The following GPCPD1 variants were observed in gnomAD, a reference collection of about 807,000 sequenced individuals.
The protein encoded by GPCPD1 is glycerophosphocholine phosphodiesterase 1, also known as glycerophosphocholine phosphodiesterase GPCPD1.
Under a neutral mutation model 89.2 loss-of-function variants are expected in GPCPD1, and 29 were observed. The observed-to-expected ratio is 0.33, with a 90% CI of 0.24 to 0.44. The LOEUF is 0.44. GPCPD1 is among the 20% of genes least tolerant of loss of function. The probability of loss-of-function intolerance (pLI) is 1.00; values close to 1 mark genes in which losing one functional copy is unlikely to be tolerated. For synonymous variants in GPCPD1, 258 were observed against 266.3 expected, an observed-to-expected ratio of 0.97 and a Z score of 0.30; for missense variants, 594 against 808.9, an observed-to-expected ratio of 0.73 and a Z score of 3.22.
intron 7 of GPCPD1, among the ~76,000 whole-genome samples, chr20:5,579,194 A>AAT (rs975264058): frequency 4.6e-5 from 7 of 152,000 alleles, no homozygotes; most frequent in Non-Finnish European, 8.8e-5. Flanking sequence ...CAAAAGAAAA[A>AAT]ATATATATAT....
intron 2 of GPCPD1, among the ~76,000 whole-genome samples, chr20:5,602,340 C>G (rs554988106): frequency 5.9e-5 from 9 of 152,220 alleles, no homozygotes; most frequent in Non-Finnish European, 1.0e-4. Flanking sequence ...GCTTCAACTG[C>G]CTGCCTACAA....
intron 9 of GPCPD1, 61 bp from the exon 10 acceptor site, chr20:5,575,606 C>A: frequency 8.7e-7 from 1 of 1,150,018 alleles, no homozygotes; most frequent in South Asian, 1.4e-5. Context: ...CCATTATGAG[C>A]TACATTATAT....
intron 8 of GPCPD1, among the ~76,000 whole-genome samples, 168 bp from the exon 9 acceptor site, chr20:5,576,146 G>A (rs1313556831): frequency 2.0e-5 from 3 of 151,272 alleles, no homozygotes; most frequent in African/African-American, 7.3e-5. Flanking sequence ...TTCGGCCGGG[G>A]TCAGTGGCTC....
At chr20:5,603,446 TA>T (rs1284437659) in intron 2 of GPCPD1, among the ~76,000 whole-genome samples, 1 of 149,818 alleles carries the variant, frequency 6.7e-6, no homozygotes, top group African/African-American at 2.5e-5. Flanking sequence ...ACAGGGGGAG[TA>T]TGAGAGTGGG....
At chr20:5,602,986 TAA>T (rs57455474) in intron 2 of GPCPD1, among the ~76,000 whole-genome samples, 14,265 of 121,228 alleles carry the variant, frequency 0.12, 903 homozygotes, top group East Asian at 0.17. Context: ...CCATCTCAAT[TAA>T]AAAAAAAAAA....
rs191331883 is a variant in GPCPD1, at chr20:5,563,337, T to C, written c.1329+1680A>G. On this transcript the variant is annotated intron_variant, in intron 15 of 19. Transcript: ENST00000379019. ...GTGAGTAAATGAGTTTGCGTGTGTGTTTTAACTTATTTGACTAAAAGGCTG... is the reference window on the plus strand; with the variant it reads ...GTGAGTAAATGAGTTTGCGTGTGTGCTTTAACTTATTTGACTAAAAGGCTG... Among the ~76,000 whole-genome samples the C allele has an allele frequency of 7.9e-5, 12 of 152,250 alleles. No homozygotes were observed. The East Asian group carries it at 1.5e-3, about 20-fold the overall frequency.
intron 19 of GPCPD1, among the ~76,000 whole-genome samples, chr20:5,554,330 T>C (rs983479904): frequency 4.6e-5 from 7 of 152,228 alleles, no homozygotes; most frequent in African/African-American, 1.7e-4. Flanking sequence ...TATTGGAAGA[T>C]GCCCATCTAG....
Position 5,575,394 on chromosome 20 carries a change from A to G in GPCPD1, c.1001+19T>C, listed in dbSNP as rs1246063334. ...ATAAGCTACACCAAATGCTAATCCTACTCAAATATTCAACTTACTGGGCAG... is the reference window on the plus strand; with the variant it reads ...ATAAGCTACACCAAATGCTAATCCTGCTCAAATATTCAACTTACTGGGCAG... On this transcript the variant is annotated intron_variant, in intron 10 of 19. Coordinates refer to ENST00000379019, the MANE Select transcript of GPCPD1 (RefSeq NM_019593.5). 1.9e-6 allele frequency: 3 copies of G among 1,575,846 alleles called. No individual in the cohort carries two copies. Among genetic ancestry groups the G allele is most frequent in the Non-Finnish European group, 2.6e-6 (3 of 1,149,986 alleles).
Position 5,547,831 on chromosome 20 carries a change from C to T in GPCPD1, c.1849G>A (p.Glu617Lys). Residue 617 changes from glutamate (E) to lysine (K), a missense_variant, in exon 20 of 20, where the codon GAA (glutamate) becomes AAA (lysine). Coordinates refer to ENST00000379019, the MANE Select transcript of GPCPD1 (RefSeq NM_019593.5). Reference protein sequence around the residue: ...IYDRIYDWMPEQPNIFQVEQL... With the variant: ...IYDRIYDWMPKQPNIFQVEQL... ...TCCACTTGGAATATATTTGGTTGTT[C>T]AGGCATCCAATCATATATCCTATGA... 1.3e-6 allele frequency: 2 copies of T among 1,598,306 alleles called. No individual in the cohort carries two copies. The highest frequency in any genetic ancestry group is 1.7e-6 in the Non-Finnish European group (2 of 1,167,748).
intron 2 of GPCPD1, among the ~76,000 whole-genome samples, chr20:5,599,692 T>A (rs572311361): frequency 6.6e-6 from 1 of 151,958 alleles, no homozygotes; most frequent in Admixed American, 6.5e-5. Context: ...GTAGCTGGGA[T>A]TACAAGTGCG....
At position 5,547,705 on chromosome 20, in the gene GPCPD1, T is replaced by C. The variant is rs760866410; in HGVS notation, c.1975A>G (p.Ile659Val). 4 of 1,610,946 alleles carry C rather than the reference T, an allele frequency of 2.5e-6. No homozygotes were observed. The highest frequency in any genetic ancestry group is 3.4e-6 in the Non-Finnish European group (4 of 1,177,580). The change falls in exon 20 of 20, where the codon ATC becomes GTC. Residue 659 changes from isoleucine to valine, a missense_variant. Physicochemically the swap from Ile to Val is conservative, Grantham distance 29. Coordinates refer to ENST00000379019, the MANE Select transcript of GPCPD1 (RefSeq NM_019593.5). Reference sequence around the variant, plus strand: ...TCAATGCCGTTGGCATCCACATGGATATCAGACTCCCCACACAAAGATGAG... The same window carrying C: ...TCAATGCCGTTGGCATCCACATGGACATCAGACTCCCCACACAAAGATGAG... Reference protein sequence around the residue: ...VPSSLCGESDIHVDANGIDNV... With the variant: ...VPSSLCGESDVHVDANGIDNV...
intron 13 of GPCPD1, 81 bp downstream of exon 13, chr20:5,567,402 A>G: frequency 6.9e-7 from 1 of 1,443,282 alleles, no homozygotes; most frequent in Non-Finnish European, 9.2e-7. Flanking sequence ...CCCCATGTGC[A>G]AAGAGAACAT....
chr20:5,549,623 A>G (rs946104323), intron 19 of GPCPD1: 2 of 521,110 alleles, frequency 3.8e-6, no homozygotes, highest in Non-Finnish European at 6.9e-6. Context: ...AAATGTTGCT[A>G]AGATGTAAGA....
In GPCPD1 at chr20:5,598,837, A is replaced by C; in HGVS notation, c.50-16T>G. ...AAAACTTCTCCTAAAGAAACAGAACAATCAGTCACAGAGAAACAGAACAAT... is the reference window on the plus strand; with the variant it reads ...AAAACTTCTCCTAAAGAAACAGAACCATCAGTCACAGAGAAACAGAACAAT... On this transcript the variant is annotated splice_polypyrimidine_tract_variant and intron_variant, in intron 2 of 19. Transcript: ENST00000379019. The C allele has an allele frequency of 6.7e-7, 1 of 1,499,012 alleles. No individual in the cohort carries two copies. The highest frequency in any genetic ancestry group is 9.3e-7 in the Non-Finnish European group (1 of 1,075,864). 92.9% of individuals were successfully genotyped at this position (1,499,012 alleles called of 1,614,324 possible).
chr20:5,565,053 G>T lies in GPCPD1; in HGVS notation c.1293C>A (p.Ser431=). The part of the protein sequence containing the change: ...RKESVVQEEN[S]FSENQPFPSL... ...AAGGAAATGGCTGATTTTCTGAAAA[G>T]GAATTTTCCTCCTGAACCACAGATT... Residue 431 remains serine (S), a synonymous_variant, in exon 15 of 20, where the codon TCC becomes TCA. Transcript: ENST00000379019. 1 of 1,552,266 alleles carries T rather than the reference G, an allele frequency of 6.4e-7. No individual in the cohort carries two copies. Among genetic ancestry groups the T allele is most frequent in the Non-Finnish European group, 8.9e-7 (1 of 1,124,018 alleles).
At chr20:5,554,403 T>A (rs1443981611) in intron 19 of GPCPD1, among the ~76,000 whole-genome samples, 1 of 152,162 alleles carries the variant, frequency 6.6e-6, no homozygotes, top group Non-Finnish European at 1.5e-5. Flanking sequence ...AGGCTGCTTC[T>A]CTTGTTAGGG....
At position 5,570,231 on chromosome 20, in the gene GPCPD1, G is replaced by C; in HGVS notation, c.1065C>G (p.Ala355=). 6.4e-7 allele frequency: 1 copy of C among 1,555,706 alleles called. No individual in the cohort carries two copies. The highest frequency in any genetic ancestry group is 8.9e-7 in the Non-Finnish European group (1 of 1,128,212). ...AAAGGTGTACGTCAAATTCTACAAA[G>C]GCTGCACCCTGACAGAAGGAAGCAA... ...SLRNAASHGA[A]FVEFDVHLSK... is the part of the protein sequence containing the mutation. The change falls in exon 12 of 20, where the codon GCC becomes GCG. Residue 355 remains alanine (A), a synonymous_variant. Transcript: ENST00000379019.
At chr20:5,574,193 C>T in intron 10 of GPCPD1, 1 of 543,048 alleles carries the variant, frequency 1.8e-6, no homozygotes, top group South Asian at 2.2e-5. Context: ...CCGACATGGC[C>T]AACACAACAT....
chr20:5,568,230 G>GTATATATATATA (rs3057280), intron 12 of GPCPD1, among the ~76,000 whole-genome samples: 5 of 145,536 alleles, frequency 3.4e-5, no homozygotes, highest in African/African-American at 1.3e-4. Context: ...AATATACTTA[G>GTATATATATATA]TATATATATA....
Sources: gnomAD v4.1 joint callset for allele counts (sites outside exome capture counted in the v4.1 genomes callset) on GRCh38, gnomAD v4.1.1 for gene constraint, MANE v1.5 for transcripts, NCBI Gene and HGNC (gene_info 2026-07-23, HGNC 2026-07-21) for gene names.